The following PRH1 variants were observed in gnomAD, a reference collection of about 807,000 sequenced individuals.
The protein encoded by PRH1 is proline rich protein HaeIII subfamily 1.
Under a neutral mutation model 7.9 loss-of-function variants are expected in PRH1, and 7 were observed. The observed-to-expected ratio is 0.89, with a 90% CI of 0.50 to 1.67. The LOEUF is 1.67. Ranked by LOEUF, PRH1 falls within the 40% of genes most tolerant of loss-of-function variation. PRH1 has a pLI of 0.00. For missense variants in PRH1, 109 were observed against 223.6 expected (o/e 0.49, Z 3.27); for synonymous variants, 45 against 80.8 (o/e 0.56, Z 2.38).
At chr12:11,110,312 C>T (rs1197249405) in intron 1 of PRH1, among the ~76,000 whole-genome samples, 1 of 152,122 alleles carries the variant, frequency 6.6e-6, no homozygotes, top group Non-Finnish European at 1.5e-5. Flanking sequence ...TCAGGGAATA[C>T]AGAGAACACC....
At chr12:11,012,111 A>C (rs1941094903) in intron 1 of PRH1, among the ~76,000 whole-genome samples, 1 of 152,182 alleles carries the variant, frequency 6.6e-6, no homozygotes, top group Admixed American at 6.6e-5. Context: ...CACTTAAAAA[A>C]CATGTGTATT....
At position 10,936,758 on chromosome 12, in the gene PRH1, G is replaced by A. The variant is rs186880986; in HGVS notation, c.-59+36897C>T. Among the ~76,000 whole-genome samples the A allele has an allele frequency of 4.6e-5, 7 of 152,128 alleles. No individual in the cohort carries two copies. The East Asian group carries it at 5.8e-4, about 13-fold the overall frequency. On this transcript the variant is annotated intron_variant, in intron 2 of 3. Coordinates refer to the PRH1 transcript ENST00000539853. ...AAAGACACCAGTCCTATTGTACTAC[G>A]GCCTCACTGTATGGCCTAATTTAAC...
At chr12:11,117,454 T>G (rs1009332446), downstream of PRH1, among the ~76,000 whole-genome samples, 1 of 152,078 alleles carries the variant, frequency 6.6e-6, no homozygotes, top group Admixed American at 6.5e-5. Context: ...TGTTCATGGA[T>G]TAGAAGTATC....
chr12:10,990,522 C>T (rs10845267), intron 1 of PRH1, among the ~76,000 whole-genome samples: 46,338 of 152,012 alleles, frequency 0.3, 8,928 homozygotes, highest in East Asian at 0.74. Context: ...AAAATCCGAT[C>T]ATTCAAATGA....
chr12:11,009,581 T>G (rs1351846897), intron 1 of PRH1, among the ~76,000 whole-genome samples: 1 of 151,944 alleles, frequency 6.6e-6, no homozygotes, highest in Non-Finnish European at 1.5e-5. Context: ...CTGGAGTTGT[T>G]AGTACTCTAG....
At chr12:11,048,037 T>C (rs923260792), upstream of PRH1, among the ~76,000 whole-genome samples, 1 of 152,122 alleles carries the variant, frequency 6.6e-6, no homozygotes, top group African/African-American at 2.4e-5. Context: ...TACCATAGGA[T>C]GAACTATCAT....
intron 1 of PRH1, among the ~76,000 whole-genome samples, chr12:11,125,812 C>G (rs1048572900): frequency 6.6e-6 from 1 of 152,136 alleles, no homozygotes; most frequent in Non-Finnish European, 1.5e-5. Context: ...TACAGATGTG[C>G]AAAATCTGAT....
chr12:10,969,786 G>A (rs1398194407), intron 2 of PRH1, among the ~76,000 whole-genome samples: 1 of 152,080 alleles, frequency 6.6e-6, no homozygotes, highest in African/African-American at 2.4e-5. Flanking sequence ...CTACTGTGAT[G>A]AAATATGGAG....
chr12:10,924,001 T>G (rs567950000), intron 2 of PRH1, among the ~76,000 whole-genome samples: 142 of 140,742 alleles, frequency 1.0e-3, no homozygotes, highest in African/African-American at 3.6e-3. Flanking sequence ...TTTTTTTTTT[T>G]TTTTTTTTTT....
At chr12:10,960,507 C>T (rs1007598604) in intron 2 of PRH1, among the ~76,000 whole-genome samples, 13 of 151,532 alleles carry the variant, frequency 8.6e-5, no homozygotes, top group African/African-American at 2.9e-4. Flanking sequence ...TTTGATTTGG[C>T]GAATGTTTTT....
rs1023336226 is a variant in PRH1, at chr12:10,880,977, T to C, written c.*98A>G. 2 of 160,748 alleles carry C rather than the reference T, an allele frequency of 1.2e-5. No homozygotes were observed. The highest frequency in any genetic ancestry group is 4.8e-5 in the African/African-American group (2 of 41,922). 10.0% of individuals were successfully genotyped at this position (160,748 alleles called of 1,614,324 possible). A position where few individuals can be genotyped will look rare whatever the true frequency, so the allele number is the denominator to read the frequency against. The stretch of plus-strand genomic sequence containing the variant: ...CCACCAGCAGAAATTGCAAGCTGAT[T>C]GTTTTATTGGTATACTGAAGTTAGA... On this transcript the variant is annotated 3_prime_UTR_variant, in exon 4 of 4. Transcript: ENST00000543626.
At chr12:11,130,505 G>A (rs1391368284) in intron 1 of PRH1, among the ~76,000 whole-genome samples, 1 of 152,196 alleles carries the variant, frequency 6.6e-6, no homozygotes, top group Non-Finnish European at 1.5e-5. Flanking sequence ...AAAGGCTACT[G>A]GTCTCAAATG....
At chr12:11,110,560 C>T (rs1328287916) in intron 1 of PRH1, among the ~76,000 whole-genome samples, 1 of 152,156 alleles carries the variant, frequency 6.6e-6, no homozygotes, top group African/African-American at 2.4e-5. Flanking sequence ...CAAAAAGCTT[C>T]ATAGTTGAAG....
chr12:11,033,126 G>A (rs769210439), intron 1 of PRH1, among the ~76,000 whole-genome samples: 10 of 152,110 alleles, frequency 6.6e-5, no homozygotes, highest in African/African-American at 9.7e-5. Flanking sequence ...GCCCAGCGCA[G>A]GCGAGGTTGA....
intron 1 of PRH1, among the ~76,000 whole-genome samples, chr12:11,065,448 T>C (rs1386254867): frequency 1.1e-5 from 1 of 93,984 alleles, no homozygotes; most frequent in Non-Finnish European, 2.5e-5. Flanking sequence ...GTTGTTCTGA[T>C]TGTAGCTTCA....
In PRH1 at chr12:11,094,104, C is replaced by G. The variant is rs1945014489; in HGVS notation, n.124-46916G>C. Among the ~76,000 whole-genome samples, 2 of 111,910 alleles carry G rather than the reference C, an allele frequency of 1.8e-5. 1 individual carries two copies. Among genetic ancestry groups the G allele is most frequent in the Admixed American group, 1.8e-4 (2 of 10,968 alleles). 73.4% of individuals were successfully genotyped at this position (111,910 alleles called of 152,430 possible). On this transcript the variant is annotated intron_variant and non_coding_transcript_variant, in intron 1 of 4. Transcript: ENST00000541977. The stretch of plus-strand genomic sequence containing the variant: ...AGATTATGAGGTCAAGAGATGGAGA[C>G]CATCCTGGCCAACATGGTGAAACCC...
chr12:10,938,947 A>G (rs1286368165), intron 2 of PRH1: 1 of 1,613,714 alleles, frequency 6.2e-7, no homozygotes, highest in African/African-American at 1.3e-5. Flanking sequence ...CTGTCCAGAT[A>G]TTAGTAAGCA....
chr12:11,103,407 G>T (rs1464419442), intron 1 of PRH1, among the ~76,000 whole-genome samples: 1 of 152,174 alleles, frequency 6.6e-6, no homozygotes, highest in Non-Finnish European at 1.5e-5. Flanking sequence ...GATGAAGCTA[G>T]AAACCATCAT....
upstream of PRH1, chr12:11,171,609 C>T (rs1947850190): frequency 2.5e-6 from 3 of 1,193,068 alleles, no homozygotes; most frequent in Non-Finnish European, 3.2e-6. Flanking sequence ...TGATGGCCGA[C>T]TCCCAGGGTC....
Sources: allele counts gnomAD v4.1 joint callset (sites outside exome capture counted in the v4.1 genomes callset), GRCh38; gene constraint gnomAD v4.1.1; transcripts MANE v1.5; gene names NCBI Gene and HGNC (gene_info 2026-07-23, HGNC 2026-07-21).